Variants in PARD3B observed in about 807,000 individuals in gnomAD.
The protein encoded by PARD3B is par-3 family cell polarity regulator beta, also known as partitioning defective 3 homolog B.
Under a neutral mutation model 130.2 loss-of-function variants are expected in PARD3B, and 103 were observed. The ratio of observed to expected loss-of-function variants is 0.79; its 90% confidence interval spans 0.67 to 0.93. The LOEUF (loss-of-function observed/expected upper bound fraction) is 0.93. PARD3B is among the 40% of genes least tolerant of loss of function. PARD3B has a pLI of 0.00. For synonymous variants in PARD3B, 583 were observed against 553.2 expected (o/e 1.05, Z -0.76); for missense variants, 1,609 against 1,499.2 (o/e 1.07, Z -1.21).
chr2:205,370,486 G>A (rs2044769979), intron 18 of PARD3B, among the ~76,000 whole-genome samples: 1 of 152,152 alleles, frequency 6.6e-6, no homozygotes, highest in Non-Finnish European at 1.5e-5. Flanking sequence ...AGGATAATAT[G>A]CAATGTGTAC....
chr2:205,452,532 GAACAT>G (rs2048135862), intron 20 of PARD3B, among the ~76,000 whole-genome samples: 1 of 151,982 alleles, frequency 6.6e-6, no homozygotes, highest in African/African-American at 2.4e-5. Flanking sequence ...TTTTTTCTTA[GAACAT>G]ATTACCATCA....
intron 18 of PARD3B, among the ~76,000 whole-genome samples, chr2:205,306,027 C>G (rs556738964): frequency 1.6e-3 from 249 of 152,188 alleles, no homozygotes; most frequent in Non-Finnish European, 2.8e-3. Context: ...CCCCAATATA[C>G]CCAATGTAAT....
intron 15 of PARD3B, among the ~76,000 whole-genome samples, chr2:205,200,076 A>C (rs2036906755): frequency 1.3e-5 from 2 of 152,164 alleles, no homozygotes; most frequent in South Asian, 4.1e-4. Flanking sequence ...CTAAGTCAGG[A>C]AAATGTTTTA....
rs1265754952 is a variant in PARD3B at position 205,396,987 on chromosome 2, A to G, written c.2631-4026A>G. Among the ~76,000 whole-genome samples, 3 of 152,124 alleles carry G rather than the reference A, an allele frequency of 2.0e-5. No individual in the cohort carries two copies. The East Asian group carries it at 5.8e-4, about 29-fold the overall frequency. ...TACAGAAAGGAAAACAAAGGCTTGG[A>G]AAGTCACCAAGTTGAATCTTTCCCC... On this transcript the variant is annotated intron_variant, in intron 18 of 22. Transcript: ENST00000406610.
intron 5 of PARD3B, among the ~76,000 whole-genome samples, chr2:205,106,884 A>G (rs575376343): frequency 1.3e-5 from 2 of 152,278 alleles, no homozygotes; most frequent in African/African-American, 4.8e-5. Flanking sequence ...CATGGGGGAA[A>G]GCTTGGAGGT....
At position 204,687,164 on chromosome 2, in the gene PARD3B, TATAA is replaced by T. The variant is rs375058951; in HGVS notation, c.222+887_222+890del. Reference sequence around the variant, plus strand: ...TGTGTTTTACCTAACTGGACTGGAATATAAATAAGTGATTTATTAAACTCAGGTG... The same window carrying T: ...TGTGTTTTACCTAACTGGACTGGAATATAAGTGATTTATTAAACTCAGGTG... On this transcript the variant is annotated intron_variant, in intron 2 of 22. Transcript: ENST00000406610. 7.9e-3 allele frequency among the ~76,000 whole-genome samples: 1,200 copies of T among 152,324 alleles called. 15 individuals carry two copies. The highest frequency in any genetic ancestry group is 0.026 in the African/African-American group (1,077 of 41,588).
intron 3 of PARD3B, among the ~76,000 whole-genome samples, chr2:204,982,577 C>T (rs890409878): frequency 1.3e-5 from 2 of 152,190 alleles, no homozygotes; most frequent in Admixed American, 6.5e-5. Flanking sequence ...TTTGCAGCAT[C>T]GTGAAAGTGC....
intron 1 of PARD3B, among the ~76,000 whole-genome samples, chr2:204,565,662 T>C (rs2031629757): frequency 6.6e-6 from 1 of 152,198 alleles, no homozygotes; most frequent in Non-Finnish European, 1.5e-5. Flanking sequence ...ACAAATGCTG[T>C]CATCTGTTTT....
intron 11 of PARD3B, among the ~76,000 whole-genome samples, chr2:205,169,277 T>G (rs1207374090): frequency 6.6e-6 from 1 of 152,186 alleles, no homozygotes; most frequent in Non-Finnish European, 1.5e-5. Flanking sequence ...TTGTGATGAA[T>G]GTGAATGTCT....
intron 2 of PARD3B, among the ~76,000 whole-genome samples, chr2:204,920,484 G>C (rs1445200184): frequency 6.6e-6 from 1 of 152,142 alleles, no homozygotes; most frequent in Non-Finnish European, 1.5e-5. Context: ...CTCTACGTTT[G>C]AGGCTAGGAA....
chr2:205,330,030 T>TAAATAAATAAATA (rs1277991577), intron 18 of PARD3B, among the ~76,000 whole-genome samples: 60 of 3,464 alleles, frequency 0.017, no homozygotes, highest in East Asian at 0.022. Context: ...AATAAATAAA[T>TAAATAAATAAATA]AAATAAAATA....
chr2:205,442,549 C>A (rs1418186666), intron 20 of PARD3B, among the ~76,000 whole-genome samples: 1 of 152,104 alleles, frequency 6.6e-6, no homozygotes, highest in African/African-American at 2.4e-5. Context: ...GATCCACCCA[C>A]CTCGGCATCC....
chr2:205,204,768 A>T (rs2037190854), intron 15 of PARD3B, among the ~76,000 whole-genome samples: 1 of 151,788 alleles, frequency 6.6e-6, no homozygotes. Context: ...TAGATGTGTG[A>T]TGTTATTTCT....
chr2:205,608,174 GGTA>G (rs1459262552), intron 22 of PARD3B, among the ~76,000 whole-genome samples: 1 of 152,146 alleles, frequency 6.6e-6, no homozygotes, highest in Non-Finnish European at 1.5e-5. Context: ...TCTGTCTCCA[GGTA>G]GCACCTTGGG....
At chr2:204,692,896 G>A (rs1157778825) in intron 2 of PARD3B, among the ~76,000 whole-genome samples, 3 of 152,020 alleles carry the variant, frequency 2.0e-5, no homozygotes, top group Non-Finnish European at 2.9e-5. Flanking sequence ...TTTCAAAAGA[G>A]GAAATATCCT....
At chr2:204,763,456 A>G (rs1258438178) in intron 2 of PARD3B, among the ~76,000 whole-genome samples, 2 of 152,204 alleles carry the variant, frequency 1.3e-5, no homozygotes, top group Non-Finnish European at 2.9e-5. Flanking sequence ...TTAGCAAAAG[A>G]CTCAAAATTC....
chr2:204,820,045 T>A (rs1275922156), intron 2 of PARD3B, among the ~76,000 whole-genome samples: 1 of 148,240 alleles, frequency 6.7e-6, no homozygotes, highest in Non-Finnish European at 1.5e-5. Context: ...AAATAATAGA[T>A]GAAGGTGGCT....
intron 18 of PARD3B, among the ~76,000 whole-genome samples, chr2:205,330,681 C>G (rs534434112): frequency 1.3e-5 from 2 of 151,752 alleles, no homozygotes; most frequent in South Asian, 4.2e-4. Context: ...GACAATCAAT[C>G]AAGATTTTTG....
intron 3 of PARD3B, among the ~76,000 whole-genome samples, chr2:205,047,134 T>A (rs541084122): frequency 6.6e-6 from 1 of 152,326 alleles, no homozygotes; most frequent in Non-Finnish European, 1.5e-5. Flanking sequence ...TTGGTCTATA[T>A]CATCATTCAA....
Sources: allele counts gnomAD v4.1 joint callset (sites outside exome capture counted in the v4.1 genomes callset), GRCh38; gene constraint gnomAD v4.1.1; transcripts MANE v1.5; gene names NCBI Gene and HGNC (gene_info 2026-07-23, HGNC 2026-07-21).